SPICE1: variants seen among roughly 807,000 people sequenced by gnomAD.
SPICE1 encodes the protein spindle and centriole-associated protein 1.
SPICE1 carries 75 observed loss-of-function variants against 102.7 expected under a neutral mutation model. The ratio of observed to expected loss-of-function variants is 0.73; its 90% CI spans 0.61 to 0.88. The LOEUF (loss-of-function observed/expected upper bound fraction) is 0.88, where lower values mean the gene tolerates loss of function less well. SPICE1 is among the 40% of genes least tolerant of loss of function. The pLI, the probability that SPICE1 is intolerant of heterozygous loss-of-function variation, is 0.00. For synonymous variants in SPICE1, 308 were observed against 350.3 expected (o/e 0.88, Z 1.35); for missense variants, 979 against 1,020.1 (o/e 0.96, Z 0.55).
At chr3:113,449,086 A>C (rs1384736636) in intron 15 of SPICE1, 1 of 152,224 alleles carries the variant, frequency 6.6e-6, no homozygotes, top group Non-Finnish European at 1.5e-5. Context: ...TGAGGACTAA[A>C]TTACATAACA....
intron 7 of SPICE1, among the ~76,000 whole-genome samples, chr3:113,479,221 T>C (rs1385862725): frequency 3.4e-5 from 5 of 148,058 alleles, no homozygotes; most frequent in Middle Eastern, 3.2e-3. Flanking sequence ...TGAGAACATG[T>C]GGTGTTTGGT....
At chr3:113,489,176 T>A (rs1210362417) in intron 6 of SPICE1, 113 bp from the exon 7 acceptor site, 1 of 638,370 alleles carries the variant, frequency 1.6e-6, no homozygotes, top group Non-Finnish European at 2.7e-6. Context: ...GCCCTCCACA[T>A]GTTGTAGAAC....
At chr3:113,511,004 G>GA (rs1433519887) in intron 1 of SPICE1, among the ~76,000 whole-genome samples, 1 of 152,076 alleles carries the variant, frequency 6.6e-6, no homozygotes, top group African/African-American at 2.4e-5. Context: ...ACAAACGTAT[G>GA]AAAAAAAGTC....
chr3:113,502,989 T>A (rs1036765173), intron 3 of SPICE1, among the ~76,000 whole-genome samples, 191 bp downstream of exon 3: 2 of 152,314 alleles, frequency 1.3e-5, no homozygotes, highest in South Asian at 4.1e-4. Context: ...CTCTAATACA[T>A]ACTAATTGAT....
rs1282194130 is a variant in SPICE1 at position 113,468,293 on chromosome 3, A to C, written c.1001T>G (p.Leu334Arg). 6.2e-7 allele frequency: 1 copy of C among 1,614,134 alleles called. No individual in the cohort carries two copies. Among genetic ancestry groups the C allele is most frequent in the Admixed American group, 1.7e-5 (1 of 60,022 alleles). ...TTCCACTTCATGTATCATGTGTTTG[A>C]GGACATCCAGGTTGGAATTAGTCCT... The part of the protein sequence containing the change: ...PNRTNSNLDV[L>R]KHMIHEVEHE... The change falls in exon 10 of 18, where the codon CTC becomes CGC. Residue 334 changes from leucine (L) to arginine (R), a missense_variant. Physicochemically the swap from Leu to Arg is moderately radical, Grantham distance 102. Transcript: ENST00000295872.
rs1936035653 is a variant in SPICE1, at chr3:113,465,594, C to T, written c.1287+59G>A. 7.4e-6 allele frequency: 11 copies of T among 1,485,874 alleles called. No individual in the cohort carries two copies. The East Asian group carries it at 2.3e-4, about 31-fold the overall frequency. The allele number at this position is 1,485,874 out of a possible 1,614,324, so 92.0% of individuals were successfully genotyped here. On this transcript the variant is annotated intron_variant, in intron 11 of 17. Transcript: ENST00000295872. ...AAAGCAACTCTAAGAGAATCCAGTA[C>T]ATGTTTAAAGATGTTTTATACCACT...
chr3:113,482,720 G>C (rs1244118584), intron 7 of SPICE1, among the ~76,000 whole-genome samples: 3 of 152,136 alleles, frequency 2.0e-5, no homozygotes, highest in Non-Finnish European at 4.4e-5. Context: ...GGTTGTAGAT[G>C]TGTGGTGTAT....
intron 4 of SPICE1, among the ~76,000 whole-genome samples, chr3:113,494,619 C>A (rs1305885618): frequency 2.7e-5 from 4 of 150,674 alleles, no homozygotes; most frequent in Admixed American, 2.0e-4. Context: ...TGCACTCCAG[C>A]CTGGGCGACA....
chr3:113,468,065 G>A (rs911991940), intron 10 of SPICE1, 74 bp downstream of exon 10: 105 of 1,529,726 alleles, frequency 6.9e-5, no homozygotes, highest in Non-Finnish European at 8.9e-5. Flanking sequence ...TTTGGAGGTT[G>A]CAATAAATGG....
At chr3:113,450,638 GCT>G in intron 14 of SPICE1, 122 bp from the exon 15 acceptor site, 3 of 941,086 alleles carry the variant, frequency 3.2e-6, no homozygotes, top group Non-Finnish European at 3.0e-6. Flanking sequence ...GTGCAGTGGC[GCT>G]ATCTCGGCTC....
intron 10 of SPICE1, among the ~76,000 whole-genome samples, chr3:113,467,572 G>GT (rs1299657119): frequency 6.6e-6 from 1 of 152,226 alleles, no homozygotes; most frequent in Non-Finnish European, 1.5e-5. Flanking sequence ...GGGATTATAG[G>GT]TTATAGGCGT....
Position 113,445,001 on chromosome 3 carries a change from T to TA in SPICE1, c.*305dup. On this transcript the variant is annotated 3_prime_UTR_variant, in exon 18 of 18. Transcript: ENST00000295872. ...ATACTAAACCTCAAAAAACCCTGAATAAAGATAAAGGTAAAAATGTATTAA... is the reference window on the plus strand; with the variant it reads ...ATACTAAACCTCAAAAAACCCTGAATAAAAGATAAAGGTAAAAATGTATTAA... 5.3e-6 allele frequency: 1 copy of TA among 188,544 alleles called. No homozygotes were observed. The highest frequency in any genetic ancestry group is 1.1e-5 in the Non-Finnish European group (1 of 92,444). 11.7% of individuals were successfully genotyped at this position (188,544 alleles called of 1,614,324 possible).
intron 7 of SPICE1, among the ~76,000 whole-genome samples, chr3:113,486,810 TAAG>T (rs895597819): frequency 2.0e-5 from 3 of 150,532 alleles, no homozygotes; most frequent in African/African-American, 4.9e-5. Flanking sequence ...ACCTTTTATA[TAAG>T]AAGAGAAAAT....
intron 15 of SPICE1, chr3:113,449,408 G>A (rs1205389016): frequency 6.6e-6 from 1 of 152,136 alleles, no homozygotes; most frequent in East Asian, 1.9e-4. Flanking sequence ...GTTGTCTCTA[G>A]GCTTCATAAC....
chr3:113,453,369 T>C lies in SPICE1; in HGVS notation c.2142+97A>G, dbSNP rs1312747015. The C allele has an allele frequency of 4.1e-6, 6 of 1,462,294 alleles. No individual in the cohort carries two copies. In the Admixed American group the frequency reaches 1.4e-4, roughly 33 times the overall value. 90.6% of individuals were successfully genotyped at this position (1,462,294 alleles called of 1,614,324 possible). On this transcript the variant is annotated intron_variant, in intron 14 of 17. Transcript: ENST00000295872. Reference sequence around the variant, plus strand: ...TAAGCCATCTAGCCTCAAAGCTTTCTAGGATCACTTCTGAAAAGAAGTTTC... The same window carrying C: ...TAAGCCATCTAGCCTCAAAGCTTTCCAGGATCACTTCTGAAAAGAAGTTTC...
Position 113,468,222 on chromosome 3 carries a change from C to G in SPICE1, c.1072G>C (p.Gly358Arg). Reference protein sequence around the residue: ...YERWTGREVKGLQSSQGLTGF... With the variant: ...YERWTGREVKRLQSSQGLTGF... ...GTAAGACCCTGACTGCTCTGCAGACCCTTGACCTCGCGACCTGTCCACCGC... is the reference window on the plus strand; with the variant it reads ...GTAAGACCCTGACTGCTCTGCAGACGCTTGACCTCGCGACCTGTCCACCGC... Residue 358 changes from glycine (G) to arginine (R), a missense_variant, in exon 10 of 18, where the codon GGT becomes CGT. Coordinates refer to ENST00000295872, the MANE Select transcript of SPICE1 (RefSeq NM_144718.4). The G allele has an allele frequency of 6.2e-7, 1 of 1,614,116 alleles. No homozygotes were observed. Among genetic ancestry groups the G allele is most frequent in the African/African-American group, 1.3e-5 (1 of 75,028 alleles).
At chr3:113,486,167 AT>A (rs1446740163) in intron 7 of SPICE1, among the ~76,000 whole-genome samples, 1 of 149,310 alleles carries the variant, frequency 6.7e-6, no homozygotes, top group Non-Finnish European at 1.5e-5. Context: ...ATATATATAT[AT>A]ATATAGTATA....
intron 6 of SPICE1, among the ~76,000 whole-genome samples, chr3:113,491,828 G>A (rs1387264494): frequency 6.6e-6 from 1 of 152,004 alleles, no homozygotes; most frequent in African/African-American, 2.4e-5. Flanking sequence ...CTTAAACCAG[G>A]TAGGTAAATT....
chr3:113,459,428 A>G, intron 12 of SPICE1: 1 of 956,310 alleles, frequency 1.0e-6, no homozygotes, highest in Non-Finnish European at 1.2e-6. Context: ...ACTAAAAAAA[A>G]TTAAAAACAA....
Sources: gnomAD v4.1 joint callset for allele counts (sites outside exome capture counted in the v4.1 genomes callset) on GRCh38, gnomAD v4.1.1 for gene constraint, MANE v1.5 for transcripts, NCBI Gene and HGNC (gene_info 2026-07-23, HGNC 2026-07-21) for gene names.